The following ARHGAP18 variants were observed in gnomAD, a reference collection of about 807,000 sequenced individuals.
ARHGAP18 encodes rho GTPase-activating protein 18.
In ARHGAP18, 67 loss-of-function variants were observed where a neutral mutation model predicts 86.2. The ratio of observed to expected loss-of-function variants is 0.78; its 90% confidence interval spans 0.64 to 0.95. ARHGAP18 has a LOEUF of 0.95. Among genes scored for constraint, ARHGAP18 ranks in the 40% least tolerant of loss-of-function variants. ARHGAP18 has a pLI of 0.00. For synonymous variants in ARHGAP18, 283 were observed against 280.4 expected, an observed-to-expected ratio of 1.01 and a Z score of -0.09; for missense variants, 691 against 780.4, an observed-to-expected ratio of 0.89 and a Z score of 1.37.
At chr6:129,698,971 G>A (rs534907226) in intron 1 of ARHGAP18, among the ~76,000 whole-genome samples, 1 of 152,030 alleles carries the variant, frequency 6.6e-6, no homozygotes, top group African/African-American at 2.4e-5. Context: ...GGGATTACAG[G>A]CATGAGCCAC....
intron 1 of ARHGAP18, among the ~76,000 whole-genome samples, chr6:129,659,455 TTTTTTA>T (rs1773905990): frequency 7.8e-6 from 1 of 128,442 alleles, no homozygotes; most frequent in Admixed American, 7.6e-5. Flanking sequence ...GCCTAGAATT[TTTTTTA>T]TTTTATTTTA....
intron 1 of ARHGAP18, among the ~76,000 whole-genome samples, chr6:129,675,373 GACTCCATCTCAAAAAAAAAAAAA>G (rs777908443): frequency 6.1e-4 from 84 of 136,724 alleles, no homozygotes; most frequent in Non-Finnish European, 1.1e-3. Context: ...AACAGAGCGA[GACTCCATCTCAAAAAAAAAAAAA>G]AAAAAGAGGT....
At chr6:129,661,746 C>T (rs374271246) in intron 1 of ARHGAP18, 12 of 397,760 alleles carry the variant, frequency 3.0e-5, no homozygotes, top group African/African-American at 2.4e-4. Flanking sequence ...CATGTGATGT[C>T]TCTAAACTCT....
chr6:129,629,688 TG>T (rs1199692638), intron 4 of ARHGAP18, among the ~76,000 whole-genome samples, 166 bp from the exon 5 acceptor site: 96 of 152,296 alleles, frequency 6.3e-4, no homozygotes, highest in African/African-American at 2.1e-3. Context: ...ATCCTATCAA[TG>T]GTGCATGGGA....
chr6:129,683,499 T>G (rs545757185), intron 1 of ARHGAP18, among the ~76,000 whole-genome samples: 2 of 152,360 alleles, frequency 1.3e-5, no homozygotes, highest in African/African-American at 4.8e-5. Context: ...TTCATTTCAT[T>G]AAAACATTGA....
chr6:129,650,343 G>A (rs368022450), intron 1 of ARHGAP18, among the ~76,000 whole-genome samples: 21 of 152,246 alleles, frequency 1.4e-4, no homozygotes, highest in Non-Finnish European at 2.2e-4. Flanking sequence ...GGAGACAGCC[G>A]AGGCAGGTTT....
At chr6:129,586,173 A>G (rs1788391440) in intron 12 of ARHGAP18, among the ~76,000 whole-genome samples, 1 of 152,174 alleles carries the variant, frequency 6.6e-6, no homozygotes, top group South Asian at 2.1e-4. Flanking sequence ...CACTATGGCC[A>G]TTTAAGCTGT....
In ARHGAP18 at chr6:129,618,596, T is replaced by C. The variant is rs994061534; in HGVS notation, c.952+91A>G. 4 of 1,265,616 alleles carry C rather than the reference T, an allele frequency of 3.2e-6. No homozygotes were observed. In the South Asian group the frequency reaches 6.4e-5, roughly 20 times the overall value. The allele number at this position is 1,265,616 out of a possible 1,614,324, so 78.4% of individuals were successfully genotyped here. On this transcript the variant is annotated intron_variant, in intron 6 of 14. Coordinates refer to ENST00000368149, the MANE Select transcript of ARHGAP18 (RefSeq NM_033515.3). Reference sequence around the variant, plus strand: ...CAAGTGTTGGTTTATTTTGCAGGTGTTTTCCCTGTCTCCCAGAAATACTGC... The same window carrying C: ...CAAGTGTTGGTTTATTTTGCAGGTGCTTTCCCTGTCTCCCAGAAATACTGC...
rs773558049 is a variant in ARHGAP18, at chr6:129,606,004, A to G, written c.1283-45T>C. The G allele has an allele frequency of 4.5e-6, 7 of 1,559,888 alleles. No individual in the cohort carries two copies. The East Asian group carries it at 1.1e-4, about 25-fold the overall frequency. ...ATCTGAACTCTTTTCTTCAGTGAAC[A>G]TTTTCCTTTACTTTATTTTTTCACT... is the stretch of plus-strand genomic sequence containing the variant. On this transcript the variant is annotated intron_variant, in intron 9 of 14. Coordinates refer to ENST00000368149, the MANE Select transcript of ARHGAP18 (RefSeq NM_033515.3).
chr6:129,707,850 A>G (rs1484303361), intron 1 of ARHGAP18, among the ~76,000 whole-genome samples: 1 of 151,484 alleles, frequency 6.6e-6, no homozygotes, highest in Non-Finnish European at 1.5e-5. Context: ...TTTTTGGAGA[A>G]CTTCTTTAAA....
rs552291727 is a variant in ARHGAP18 at position 129,597,148 on chromosome 6, AT to A, written c.1713+2067del. ...TTTTAAATTTTGGCTATTGATTAGA[AT>A]TTTTTTTTTTTTTTGAGATGAAGTC... On this transcript the variant is annotated intron_variant, in intron 12 of 14. Coordinates refer to ENST00000368149, the MANE Select transcript of ARHGAP18 (RefSeq NM_033515.3). 9.3e-3 allele frequency among the ~76,000 whole-genome samples: 1,326 copies of A among 143,048 alleles called. 5 individuals carry two copies. Among genetic ancestry groups the A allele is most frequent in the Middle Eastern group, 0.021 (6 of 284 alleles). The allele number at this position is 143,048 out of a possible 152,430, so 93.8% of individuals were successfully genotyped here. A position where few individuals can be genotyped will look rare whatever the true frequency, so the allele number is the denominator to read the frequency against.
intron 4 of ARHGAP18, among the ~76,000 whole-genome samples, chr6:129,631,718 AT>A (rs1208809787): frequency 4.0e-5 from 6 of 151,620 alleles, no homozygotes; most frequent in East Asian, 3.8e-4. Flanking sequence ...GCCTTAAAAA[AT>A]TTTTTTTAAC....
chr6:129,653,955 A>C (rs1773773942), intron 1 of ARHGAP18, among the ~76,000 whole-genome samples: 1 of 152,112 alleles, frequency 6.6e-6, no homozygotes, highest in Admixed American at 6.5e-5. Flanking sequence ...AGGTGAGAGG[A>C]TCCCTTGAGC....
intron 5 of ARHGAP18, among the ~76,000 whole-genome samples, chr6:129,625,077 T>G (rs1298522429): frequency 9.8e-6 from 1 of 102,458 alleles, no homozygotes; most frequent in African/African-American, 4.0e-5. Flanking sequence ...ATATATAATA[T>G]ATATGATATA....
At chr6:129,595,710 T>A (rs1037847874) in intron 12 of ARHGAP18, among the ~76,000 whole-genome samples, 4 of 152,264 alleles carry the variant, frequency 2.6e-5, no homozygotes, top group Admixed American at 1.3e-4. Context: ...TCTGCCCCTG[T>A]CTCTCTATGC....
chr6:129,597,598 C>T (rs9385502), intron 12 of ARHGAP18, among the ~76,000 whole-genome samples: 19,719 of 152,030 alleles, frequency 0.13, 1,393 homozygotes, highest in East Asian at 0.26. Context: ...CTTCTATATG[C>T]CTTCTCCTGG....
chr6:129,668,362 T>TCACTCA (rs1774079911), intron 1 of ARHGAP18, among the ~76,000 whole-genome samples: 1 of 137,758 alleles, frequency 7.3e-6, no homozygotes, highest in Non-Finnish European at 1.6e-5. Context: ...ACCCAAATAA[T>TCACTCA]CACACACACA....
At chr6:129,663,449 T>C (rs1342308601) in intron 1 of ARHGAP18, among the ~76,000 whole-genome samples, 2 of 152,222 alleles carry the variant, frequency 1.3e-5, no homozygotes, top group Non-Finnish European at 2.9e-5. Flanking sequence ...TCCTGTTTCC[T>C]ACGCCCCAAT....
intron 12 of ARHGAP18, among the ~76,000 whole-genome samples, chr6:129,595,219 A>G (rs1474792668): frequency 1.3e-5 from 2 of 152,196 alleles, no homozygotes; most frequent in Non-Finnish European, 2.9e-5. Flanking sequence ...CCCTAAAAAT[A>G]TAGCACTACA....
Sources: allele counts gnomAD v4.1 joint callset (sites outside exome capture counted in the v4.1 genomes callset), GRCh38; gene constraint gnomAD v4.1.1; transcripts MANE v1.5; gene names NCBI Gene and HGNC (gene_info 2026-07-23, HGNC 2026-07-21).